Variants in APBA2 observed in about 807,000 individuals in gnomAD.
APBA2 encodes amyloid-beta A4 precursor protein-binding family A member 2.
Under a neutral mutation model 75.0 loss-of-function variants are expected in APBA2, and 30 were observed. That is an observed-to-expected ratio of 0.40 (90% CI 0.30 to 0.54). The LOEUF (loss-of-function observed/expected upper bound fraction) is 0.54, where lower values mean the gene tolerates loss of function less well. Ranked by LOEUF, APBA2 falls within the 20% of genes least tolerant of loss-of-function variation. APBA2 has a pLI of 0.49. For missense variants in APBA2, 801 were observed against 1,016.1 expected, an observed-to-expected ratio of 0.79 and a Z score of 2.88; for synonymous variants, 444 against 409.6, an observed-to-expected ratio of 1.08 and a Z score of -1.01.
rs143619112 is a variant in APBA2, at chr15:29,083,691, C to T, written c.1069+7600C>T. On this transcript the variant is annotated intron_variant, in intron 6 of 14. Transcript: ENST00000683413. ...AATTACAGGGGTGCACCACCATGGC[C>T]GGCTAATTTTTGTATTTTTAGTAGA... 5.1e-4 allele frequency among the ~76,000 whole-genome samples: 78 copies of T among 152,066 alleles called. No homozygotes were observed. The East Asian group carries it at 0.014, about 27-fold the overall frequency.
In APBA2 at chr15:29,108,232, A is replaced by G. The variant is rs1035750090; in HGVS notation, c.1918-38A>G. ...TCATCCTGGGTCAGGCTTGATGTCT[A>G]AGGCCCAGCCTGTGACTCCTGTCCC... On this transcript the variant is annotated intron_variant, in intron 12 of 14. Transcript: ENST00000683413. 6 of 1,612,814 alleles carry G rather than the reference A, an allele frequency of 3.7e-6. No individual in the cohort carries two copies. In the South Asian group the frequency reaches 5.5e-5, roughly 15 times the overall value.
intron 3 of APBA2, among the ~76,000 whole-genome samples, chr15:29,048,147 C>T (rs1264956314): frequency 6.6e-6 from 1 of 151,946 alleles, no homozygotes; most frequent in Non-Finnish European, 1.5e-5. Flanking sequence ...AGGAGTTGGA[C>T]ACCAACCCGG....
At chr15:29,069,567 C>T (rs1394773945) in intron 4 of APBA2, among the ~76,000 whole-genome samples, 3 of 152,230 alleles carry the variant, frequency 2.0e-5, no homozygotes, top group African/African-American at 4.8e-5. Context: ...CGCTTCAGCT[C>T]CTCTGGCCTG....
rs556007913 is a variant in APBA2, at chr15:28,913,497, C to T, written c.-204-8143C>T. On this transcript the variant is annotated intron_variant, in intron 1 of 14. Transcript: ENST00000683413. ...ATCCTCTGGGCCCAGGTTTGCAAGCCACTCCCTGGGAAGCTGTCCTGGGAT... is the reference window on the plus strand; with the variant it reads ...ATCCTCTGGGCCCAGGTTTGCAAGCTACTCCCTGGGAAGCTGTCCTGGGAT... 1.6e-4 allele frequency among the ~76,000 whole-genome samples: 25 copies of T among 152,252 alleles called. No individual in the cohort carries two copies. In the South Asian group the frequency reaches 3.9e-3, roughly 24 times the overall value.
chr15:29,037,063 T>C (rs958247578), intron 3 of APBA2, among the ~76,000 whole-genome samples: 2 of 151,974 alleles, frequency 1.3e-5, no homozygotes, highest in Non-Finnish European at 2.9e-5. Flanking sequence ...AGTTAAATTA[T>C]TTAAAATAAA....
intron 3 of APBA2, among the ~76,000 whole-genome samples, chr15:29,009,850 T>C (rs982549442): frequency 7.2e-5 from 11 of 152,192 alleles, no homozygotes; most frequent in African/African-American, 2.4e-4. Context: ...TTTTGGGTCA[T>C]GATTGCTGCT....
At chr15:29,019,224 C>T (rs547176786) in intron 3 of APBA2, among the ~76,000 whole-genome samples, 4 of 152,230 alleles carry the variant, frequency 2.6e-5, no homozygotes, top group East Asian at 1.9e-4. Flanking sequence ...CCCTTTCCCC[C>T]TCCTGTTCTG....
intron 3 of APBA2, among the ~76,000 whole-genome samples, 184 bp from the exon 4 acceptor site, chr15:29,053,661 T>C (rs1394507406): frequency 6.6e-6 from 1 of 151,914 alleles, no homozygotes; most frequent in Non-Finnish European, 1.5e-5. Context: ...TCGTTCTCCT[T>C]GGTGTGGATG....
rs72448868 is a variant in APBA2 at position 28,984,912 on chromosome 15, G to GCT, written c.-94-10817_-94-10816dup. ...CCATCTCTGGGGGTTGGGGGGAGCT[G>GCT]CTCTCTCTCTCTCTCTCTCTCTCTC... is the stretch of plus-strand genomic sequence containing the variant. On this transcript the variant is annotated intron_variant, in intron 2 of 14. Coordinates refer to ENST00000683413, the MANE Select transcript of APBA2 (RefSeq NM_001353788.2). Among the ~76,000 whole-genome samples, 791 of 139,516 alleles carry GCT rather than the reference G, an allele frequency of 5.7e-3. 3 individuals are homozygous for GCT. Among genetic ancestry groups the GCT allele is most frequent in the African/African-American group, 0.01 (366 of 35,616 alleles). The allele number at this position is 139,516 out of a possible 152,430, so 91.5% of individuals were successfully genotyped here. A position where few individuals can be genotyped will look rare whatever the true frequency, so the allele number is the denominator to read the frequency against.
chr15:29,098,361 T>C (rs2043952526), intron 8 of APBA2, 129 bp from the exon 9 acceptor site: 6 of 726,684 alleles, frequency 8.3e-6, no homozygotes, highest in South Asian at 3.0e-5. Flanking sequence ...TGAAATGATA[T>C]ATTGTTGTGG....
At chr15:28,916,578 C>T (rs2033701055) in intron 1 of APBA2, among the ~76,000 whole-genome samples, 1 of 152,212 alleles carries the variant, frequency 6.6e-6, no homozygotes, top group African/African-American at 2.4e-5. Flanking sequence ...AGGGGTTTCC[C>T]CTTTCTGTGT....
At chr15:28,904,907 C>A (rs2033061794) in intron 1 of APBA2, among the ~76,000 whole-genome samples, 1 of 152,168 alleles carries the variant, frequency 6.6e-6, no homozygotes, top group South Asian at 2.1e-4. Flanking sequence ...GGGAGAGAGG[C>A]CTTTTCTGAT....
At chr15:29,106,849 G>T in intron 12 of APBA2, 30 bp downstream of exon 12, 3 of 1,593,058 alleles carry the variant, frequency 1.9e-6, no homozygotes, top group Non-Finnish European at 2.6e-6. Flanking sequence ...CCGCCCAGGG[G>T]TCACCTCAAC....
intron 3 of APBA2, among the ~76,000 whole-genome samples, chr15:29,002,599 G>A (rs1463582492): frequency 6.6e-6 from 1 of 152,080 alleles, no homozygotes; most frequent in East Asian, 1.9e-4. Flanking sequence ...GAGACCACCA[G>A]TTACCTCCTG....
chr15:29,013,428 C>A (rs920285597), intron 3 of APBA2, among the ~76,000 whole-genome samples: 1 of 151,808 alleles, frequency 6.6e-6, no homozygotes, highest in African/African-American at 2.4e-5. Context: ...TACAGGCGCC[C>A]GCCACCGCGC....
intron 3 of APBA2, among the ~76,000 whole-genome samples, chr15:29,008,551 C>A (rs2039242543): frequency 6.6e-6 from 1 of 151,948 alleles, no homozygotes; most frequent in African/African-American, 2.4e-5. Context: ...GGGAGACTCC[C>A]ATCTCTACAT....
intron 1 of APBA2, among the ~76,000 whole-genome samples, chr15:28,889,628 C>T (rs1279471804): frequency 3.3e-5 from 5 of 152,284 alleles, no homozygotes; most frequent in South Asian, 2.1e-4. Context: ...GTCATCTTGG[C>T]GCATGTCCAT....
chr15:29,065,052 T>A lies in APBA2; in HGVS notation c.952-9869T>A, dbSNP rs190862666. On this transcript the variant is annotated intron_variant, in intron 4 of 14. Coordinates refer to ENST00000683413, the MANE Select transcript of APBA2 (RefSeq NM_001353788.2). ...GCACGCACGCTTGTATGTGAGATAT[T>A]GACTTGCATTGTACTCATCTGCCGG... is the stretch of plus-strand genomic sequence containing the variant. 4.8e-3 allele frequency among the ~76,000 whole-genome samples: 723 copies of A among 152,116 alleles called. 8 individuals carry two copies. The highest frequency in any genetic ancestry group is 0.017 in the African/African-American group (699 of 41,480).
intron 2 of APBA2, among the ~76,000 whole-genome samples, chr15:28,951,870 C>A (rs112532716): frequency 8.3e-6 from 1 of 120,466 alleles, no homozygotes; most frequent in African/African-American, 3.3e-5. Context: ...CGTGAGCCCA[C>A]TGCACTCAGC....
Sources: gnomAD v4.1 joint callset for allele counts (sites outside exome capture counted in the v4.1 genomes callset) on GRCh38, gnomAD v4.1.1 for gene constraint, MANE v1.5 for transcripts, NCBI Gene and HGNC (gene_info 2026-07-23, HGNC 2026-07-21) for gene names.